The following CDH19 variants were observed in gnomAD, a reference collection of about 807,000 sequenced individuals.
The protein encoded by CDH19 is cadherin 19.
A neutral mutation model predicts 64.2 loss-of-function variants in CDH19; 67 were observed. The ratio of observed to expected loss-of-function variants is 1.04; its 90% confidence interval spans 0.86 to 1.28. The LOEUF (loss-of-function observed/expected upper bound fraction) is 1.28, where lower values mean the gene tolerates loss of function less well. Among genes scored for constraint, CDH19 ranks in the 50% most tolerant of loss-of-function variants. CDH19 has a pLI of 0.00. For missense variants in CDH19, 1,030 were observed against 929.0 expected (o/e 1.11, Z -1.41); for synonymous variants, 346 against 319.3 (o/e 1.08, Z -0.89).
intron 6 of CDH19, among the ~76,000 whole-genome samples, chr18:66,544,502 C>G (rs1164467196): frequency 6.6e-6 from 1 of 151,678 alleles, no homozygotes; most frequent in Admixed American, 6.6e-5. Flanking sequence ...AGATATTTTC[C>G]AAAAAGTTTT....
chr18:66,565,276 A>G (rs999103907), intron 3 of CDH19, among the ~76,000 whole-genome samples: 8 of 152,000 alleles, frequency 5.3e-5, no homozygotes, highest in Non-Finnish European at 1.5e-5. Context: ...GTAAAAGCCC[A>G]TCATTACTTG....
chr18:66,523,857 G>A (rs1037126074), intron 9 of CDH19, among the ~76,000 whole-genome samples: 9 of 130,108 alleles, frequency 6.9e-5, no homozygotes, highest in Non-Finnish European at 9.4e-5. Context: ...GCCCTCTACT[G>A]ACAAGGCTCA....
intron 7 of CDH19, among the ~76,000 whole-genome samples, chr18:66,536,337 A>G (rs72954419): frequency 0.11 from 16,834 of 151,778 alleles, 1,365 homozygotes; most frequent in Non-Finnish European, 0.18. Flanking sequence ...ACGAGGAATT[A>G]AGCTTTAGGG....
intron 1 of CDH19, among the ~76,000 whole-genome samples, chr18:66,585,207 G>A (rs556975697): frequency 4.2e-4 from 64 of 152,130 alleles, no homozygotes; most frequent in Middle Eastern, 3.4e-3. Flanking sequence ...AAAAGTTGTA[G>A]ACAAATGCAG....
rs1984948434 is a variant in CDH19 at position 66,501,680 on chromosome 18, T to C, written c.*3132A>G. ...TGTTATAATAATTCACTGTTATTTA[T>C]TGAGCAGTTATATTTTGTCAGGCAC... On this transcript the variant is annotated 3_prime_UTR_variant, in exon 12 of 12. Coordinates refer to ENST00000262150, the MANE Select transcript of CDH19 (RefSeq NM_021153.4). 1 of 152,150 alleles carries C rather than the reference T, an allele frequency of 6.6e-6. No homozygotes were observed. Among genetic ancestry groups the C allele is most frequent in the Non-Finnish European group, 1.5e-5 (1 of 68,028 alleles). The allele number at this position is 152,150 out of a possible 1,614,324, so 9.4% of individuals were successfully genotyped here. A position where few individuals can be genotyped will look rare whatever the true frequency, so the allele number is the denominator to read the frequency against.
At chr18:66,539,796 A>G (rs1303222579) in intron 7 of CDH19, among the ~76,000 whole-genome samples, 6 of 151,946 alleles carry the variant, frequency 3.9e-5, no homozygotes, top group African/African-American at 1.4e-4. Flanking sequence ...TTATGAAGCT[A>G]TTTAACTGAC....
chr18:66,560,352 A>G (rs1229879897), intron 3 of CDH19, among the ~76,000 whole-genome samples: 1 of 152,122 alleles, frequency 6.6e-6, no homozygotes, highest in African/African-American at 2.4e-5. Flanking sequence ...CTGCAAGGTC[A>G]GCTTGATATC....
rs1415733193 is a variant in CDH19, at chr18:66,503,541, A to T, written c.*1271T>A. 3 of 151,730 alleles carry T rather than the reference A, an allele frequency of 2.0e-5. No individual in the cohort carries two copies. In the East Asian group the frequency reaches 5.8e-4, roughly 29 times the overall value. 9.4% of individuals were successfully genotyped at this position (151,730 alleles called of 1,614,324 possible). On this transcript the variant is annotated 3_prime_UTR_variant, in exon 12 of 12. Transcript: ENST00000262150. Reference sequence around the variant, plus strand: ...TAAATAATTTTTAGTAGAGGTAAAAATTTACTTAAATTTTTCCACACTTTC... The same window carrying T: ...TAAATAATTTTTAGTAGAGGTAAAATTTTACTTAAATTTTTCCACACTTTC...
intron 7 of CDH19, among the ~76,000 whole-genome samples, chr18:66,540,963 T>C (rs990588525): frequency 2.0e-5 from 3 of 152,178 alleles, no homozygotes; most frequent in African/African-American, 7.2e-5. Context: ...ATTTTTACCA[T>C]ACAAGGCTCC....
intron 1 of CDH19, among the ~76,000 whole-genome samples, chr18:66,585,759 T>C (rs1165086413): frequency 6.6e-6 from 1 of 152,108 alleles, no homozygotes; most frequent in Non-Finnish European, 1.5e-5. Context: ...GTATATATTT[T>C]CCCTGATGTA....
chr18:66,555,120 T>C (rs529264881), intron 3 of CDH19, among the ~76,000 whole-genome samples: 36 of 151,842 alleles, frequency 2.4e-4, no homozygotes, highest in Non-Finnish European at 3.8e-4. Flanking sequence ...GCATTCTCAT[T>C]AAAATTCAGT....
intron 9 of CDH19, among the ~76,000 whole-genome samples, chr18:66,512,055 T>C (rs1235603441): frequency 6.6e-5 from 10 of 151,600 alleles, no homozygotes; most frequent in Middle Eastern, 3.2e-3. Flanking sequence ...TCAGACATTA[T>C]GATTTGCTAA....
rs1172410101 is a variant in CDH19 at position 66,509,106 on chromosome 18, A to T, written c.1717T>A (p.Cys573Ser). The change falls in exon 11 of 12, where the codon TGT becomes AGT. Residue 573 changes from cysteine (C) to serine (S), a missense_variant. Physicochemically the swap from Cys to Ser is moderately radical, Grantham distance 112 (BLOSUM62 -1). Coordinates refer to ENST00000262150, the MANE Select transcript of CDH19 (RefSeq NM_021153.4). ...GTCTGTGTGCTCCCACTGTCACCAC[A>T]GTCACAGACATGGATGGTAAGGGTG... ...TNTLTIHVCD[C>S]GDSGSTQTCQ... The T allele has an allele frequency of 1.2e-6, 2 of 1,612,896 alleles. No individual in the cohort carries two copies. The highest frequency in any genetic ancestry group is 2.7e-5 in the African/African-American group (2 of 74,816).
chr18:66,580,122 AAT>A (rs1239381703), intron 1 of CDH19, among the ~76,000 whole-genome samples: 1 of 152,038 alleles, frequency 6.6e-6, no homozygotes, highest in Non-Finnish European at 1.5e-5. Flanking sequence ...CTTTTAAATC[AAT>A]ATGTTAAACA....
intron 1 of CDH19, among the ~76,000 whole-genome samples, chr18:66,591,438 GA>G (rs1056775374): frequency 6.6e-6 from 1 of 151,924 alleles, no homozygotes; most frequent in African/African-American, 2.4e-5. Flanking sequence ...CAGAACGATT[GA>G]AAACGGGAAA....
chr18:66,579,780 C>G (rs1323852529), intron 1 of CDH19, among the ~76,000 whole-genome samples: 1 of 151,888 alleles, frequency 6.6e-6, no homozygotes, highest in Non-Finnish European at 1.5e-5. Context: ...ATAATACATA[C>G]TAATGTAGAG....
chr18:66,570,237 A>T (rs550329040), intron 2 of CDH19, among the ~76,000 whole-genome samples: 2 of 151,754 alleles, frequency 1.3e-5, no homozygotes, highest in East Asian at 3.9e-4. Context: ...ATAAGTAAAT[A>T]TATTGCAAGT....
chr18:66,503,282 TA>T lies in CDH19; in HGVS notation c.*1529del, dbSNP rs1985026011. 1 of 151,892 alleles carries T rather than the reference TA, an allele frequency of 6.6e-6. No homozygotes were observed. The allele number at this position is 151,892 out of a possible 1,614,324, so 9.4% of individuals were successfully genotyped here. A position where few individuals can be genotyped will look rare whatever the true frequency, so the allele number is the denominator to read the frequency against. On this transcript the variant is annotated 3_prime_UTR_variant, in exon 12 of 12. Coordinates refer to ENST00000262150, the MANE Select transcript of CDH19 (RefSeq NM_021153.4). ...CTGTAAAGTTTTATGCCCAACAGCT[TA>T]GCATTGATTTCCTTCTTAAGGCTAC...
intron 2 of CDH19, 110 bp from the exon 3 acceptor site, chr18:66,568,820 T>A: frequency 1.1e-6 from 1 of 872,476 alleles, no homozygotes; most frequent in Non-Finnish European, 1.7e-6. Context: ...AATGATTTTA[T>A]ATTATTTCCA....
Sources: gnomAD v4.1 joint callset for allele counts (sites outside exome capture counted in the v4.1 genomes callset) on GRCh38, gnomAD v4.1.1 for gene constraint, MANE v1.5 for transcripts, NCBI Gene and HGNC (gene_info 2026-07-23, HGNC 2026-07-21) for gene names.